CSMD1: variants seen among roughly 807,000 people sequenced by gnomAD.
The protein encoded by CSMD1 is CUB and Sushi multiple domains 1.
Under a neutral mutation model 417.5 loss-of-function variants are expected in CSMD1, and 213 were observed. That is an observed-to-expected ratio of 0.51 (90% CI 0.46 to 0.57). The LOEUF is 0.57. CSMD1 is among the 20% of genes least tolerant of loss of function. The pLI is 0.00. For synonymous variants in CSMD1, 2,862 were observed against 1,736.8 expected (o/e 1.65, Z -16.11); for missense variants, 6,923 against 4,529.7 (o/e 1.53, Z -15.17).
At chr8:4,647,053 G>C (rs1803561818) in intron 1 of CSMD1, among the ~76,000 whole-genome samples, 1 of 152,176 alleles carries the variant, frequency 6.6e-6, no homozygotes, top group African/African-American at 2.4e-5. Context: ...GTGAGGCCAA[G>C]ATGGCAGCAA....
At chr8:4,796,367 T>A (rs143254584) in intron 1 of CSMD1, among the ~76,000 whole-genome samples, 6 of 152,204 alleles carry the variant, frequency 3.9e-5, no homozygotes, top group African/African-American at 1.2e-4. Flanking sequence ...CCCAGCTTTA[T>A]AAAGTTTATT....
At chr8:4,154,755 C>T (rs186181064) in intron 3 of CSMD1, among the ~76,000 whole-genome samples, 7 of 152,008 alleles carry the variant, frequency 4.6e-5, no homozygotes, top group African/African-American at 1.2e-4. Context: ...CTAATATCCC[C>T]GTAAGATATG....
At chr8:4,478,331 A>G (rs1005498527) in intron 2 of CSMD1, among the ~76,000 whole-genome samples, 3 of 152,330 alleles carry the variant, frequency 2.0e-5, no homozygotes, top group East Asian at 3.9e-4. Flanking sequence ...TGACAGTTTA[A>G]TTTATTTTTA....
At chr8:3,911,956 C>T (rs761672419) in intron 5 of CSMD1, among the ~76,000 whole-genome samples, 1 of 152,192 alleles carries the variant, frequency 6.6e-6, no homozygotes, top group Admixed American at 6.5e-5. Flanking sequence ...CCACCTGAAT[C>T]TTACATCTTC....
intron 12 of CSMD1, among the ~76,000 whole-genome samples, chr8:3,448,391 G>A (rs1208319992): frequency 2.3e-5 from 3 of 129,510 alleles, no homozygotes; most frequent in Non-Finnish European, 3.4e-5. Context: ...GAGGAGGGAG[G>A]AGGAAGGGAA....
intron 13 of CSMD1, among the ~76,000 whole-genome samples, chr8:3,408,667 A>T (rs536341349): frequency 1.4e-4 from 21 of 152,248 alleles, no homozygotes; most frequent in African/African-American, 5.1e-4. Flanking sequence ...CCAGTAATTT[A>T]AAATTTTTAT....
At chr8:3,720,524 T>A (rs1802092215) in intron 6 of CSMD1, among the ~76,000 whole-genome samples, 1 of 152,124 alleles carries the variant, frequency 6.6e-6, no homozygotes, top group Admixed American at 6.5e-5. Flanking sequence ...CATAGACCTT[T>A]TGTTGTCTCA....
chr8:3,775,586 T>A (rs181319664), intron 5 of CSMD1, among the ~76,000 whole-genome samples: 2 of 152,198 alleles, frequency 1.3e-5, no homozygotes, highest in Admixed American at 1.3e-4. Context: ...TGTGGACTCA[T>A]GTGCTCTTGT....
chr8:3,977,301 AT>A (rs1813508699), intron 5 of CSMD1, among the ~76,000 whole-genome samples: 1 of 152,114 alleles, frequency 6.6e-6, no homozygotes, highest in African/African-American at 2.4e-5. Context: ...CTGAAGACAG[AT>A]CCCATTTCAT....
chr8:3,365,622 A>G (rs1406009338), intron 20 of CSMD1, among the ~76,000 whole-genome samples: 1 of 152,214 alleles, frequency 6.6e-6, no homozygotes, highest in Non-Finnish European at 1.5e-5. Flanking sequence ...AATTAGTAAA[A>G]TGTTAGGTAT....
chr8:3,763,348 G>T (rs912204597), intron 5 of CSMD1, among the ~76,000 whole-genome samples: 3 of 152,058 alleles, frequency 2.0e-5, no homozygotes, highest in Admixed American at 1.3e-4. Context: ...GTGTCATGGG[G>T]GCAGAACCCT....
rs1812477736 is a variant in CSMD1 at position 3,408,354 on chromosome 8, A to C, written c.1745-129T>G. On this transcript the variant is annotated intron_variant, in intron 13 of 69. Coordinates refer to ENST00000635120, the MANE Select transcript of CSMD1 (RefSeq NM_033225.6). ...ATAGCTATGATGATCCAACTATTTT[A>C]ATATAAGTAATTCTGGACCATAATG... 10 of 653,596 alleles carry C rather than the reference A, an allele frequency of 1.5e-5. No homozygotes were observed. The Admixed American group carries it at 1.8e-4, about 12-fold the overall frequency. 40.5% of individuals were successfully genotyped at this position (653,596 alleles called of 1,614,324 possible).
intron 12 of CSMD1, among the ~76,000 whole-genome samples, chr8:3,464,200 C>G (rs1278232087): frequency 6.6e-6 from 1 of 152,034 alleles, no homozygotes; most frequent in Non-Finnish European, 1.5e-5. Flanking sequence ...GTGATGAACT[C>G]GAACCGAATT....
At chr8:3,958,401 AG>A (rs1258872518) in intron 5 of CSMD1, among the ~76,000 whole-genome samples, 1 of 151,976 alleles carries the variant, frequency 6.6e-6, no homozygotes, top group Non-Finnish European at 1.5e-5. Context: ...AAAAGGAGGC[AG>A]AAAAAATGGT....
intron 15 of CSMD1, among the ~76,000 whole-genome samples, chr8:3,404,609 C>A (rs75032142): frequency 0.057 from 8,730 of 152,160 alleles, 321 homozygotes; most frequent in East Asian, 0.17. Context: ...CTGTTCTATT[C>A]ACTTATTAAA....
At chr8:3,139,526 T>C (rs1370313151) in intron 41 of CSMD1, among the ~76,000 whole-genome samples, 1 of 152,116 alleles carries the variant, frequency 6.6e-6, no homozygotes, top group Non-Finnish European at 1.5e-5. Context: ...ATAGAAGATC[T>C]TGTCGATAGA....
chr8:3,882,897 C>A (rs902352463), intron 5 of CSMD1, among the ~76,000 whole-genome samples: 1 of 152,128 alleles, frequency 6.6e-6, no homozygotes, highest in Non-Finnish European at 1.5e-5. Context: ...CAAGAGCATG[C>A]TAGCATCTTG....
At chr8:3,720,161 A>G (rs143357065) in intron 6 of CSMD1, among the ~76,000 whole-genome samples, 406 of 152,338 alleles carry the variant, frequency 2.7e-3, no homozygotes, top group African/African-American at 9.3e-3. Flanking sequence ...ACTTCACCGC[A>G]CACAGGAAGC....
intron 64 of CSMD1, 92 bp from the exon 65 acceptor site, chr8:2,954,360 TC>T: frequency 1.3e-6 from 1 of 744,006 alleles, no homozygotes; most frequent in South Asian, 1.9e-5. Context: ...TTTTCCTTTC[TC>T]CAGATTTTTT....
Sources: gnomAD v4.1 joint callset for allele counts (sites outside exome capture counted in the v4.1 genomes callset) on GRCh38, gnomAD v4.1.1 for gene constraint, MANE v1.5 for transcripts, NCBI Gene and HGNC (gene_info 2026-07-23, HGNC 2026-07-21) for gene names.